The following PBX1 variants were observed in gnomAD, a reference collection of about 807,000 sequenced individuals.
PBX1 encodes PBX homeobox 1, also known as pre-B-cell leukemia transcription factor 1.
Under a neutral mutation model 53.4 loss-of-function variants are expected in PBX1, and 6 were observed. The ratio of observed to expected loss-of-function variants is 0.11; its 90% CI spans 0.06 to 0.22. The LOEUF is 0.22. PBX1 is among the 10% of genes least tolerant of loss of function. The pLI, the probability that PBX1 is intolerant of heterozygous loss-of-function variation, is 1.00. For missense variants in PBX1, 251 were observed against 551.4 expected, an observed-to-expected ratio of 0.46 and a Z score of 5.46; for synonymous variants, 204 against 212.3, an observed-to-expected ratio of 0.96 and a Z score of 0.34.
intron 2 of PBX1, among the ~76,000 whole-genome samples, chr1:164,762,572 C>T (rs1175956632): frequency 1.3e-5 from 2 of 152,204 alleles, no homozygotes; most frequent in Non-Finnish European, 2.9e-5. Context: ...TCTGGGTCTG[C>T]AGTGTGCAGT....
intron 2 of PBX1, among the ~76,000 whole-genome samples, chr1:164,721,846 AC>A (rs543544078): frequency 4.6e-5 from 7 of 152,224 alleles, no homozygotes; most frequent in Middle Eastern, 3.4e-3. Flanking sequence ...TATTCCCTTT[AC>A]AAAATATGAA....
At chr1:164,567,628 A>G (rs181158508) in intron 2 of PBX1, among the ~76,000 whole-genome samples, 2 of 152,308 alleles carry the variant, frequency 1.3e-5, no homozygotes, top group African/African-American at 4.8e-5. Flanking sequence ...ACAACAATAT[A>G]ACTCTGACAG....
intron 2 of PBX1, among the ~76,000 whole-genome samples, chr1:164,657,886 A>C (rs1660254097): frequency 6.6e-6 from 1 of 152,234 alleles, no homozygotes; most frequent in Non-Finnish European, 1.5e-5. Context: ...TGATGGACAG[A>C]TAGTCCCAGA....
In PBX1 at chr1:164,618,301, G is replaced by A. The variant is rs866600470; in HGVS notation, c.265+54990G>A. 8.4e-5 allele frequency among the ~76,000 whole-genome samples: 12 copies of A among 142,284 alleles called. No individual in the cohort carries two copies. The East Asian group carries it at 1.4e-3, about 17-fold the overall frequency. The allele number at this position is 142,284 out of a possible 152,430, so 93.3% of individuals were successfully genotyped here. ...CCCCAGGGAGAATAATCACGGCGGG[G>A]GGGGGGGGGCACTCAAGATGATCAG... On this transcript the variant is annotated intron_variant, in intron 2 of 8. Transcript: ENST00000420696.
At chr1:164,730,611 A>G (rs987393974) in intron 2 of PBX1, among the ~76,000 whole-genome samples, 3 of 152,168 alleles carry the variant, frequency 2.0e-5, no homozygotes, top group Admixed American at 1.3e-4. Flanking sequence ...AAAAGTATCT[A>G]TGGCTCTCTC....
intron 6 of PBX1, chr1:164,814,961 C>T (rs1166144407): frequency 6.6e-6 from 1 of 151,840 alleles, no homozygotes; most frequent in Non-Finnish European, 1.5e-5. Context: ...CATTTAGAGA[C>T]ATTTAGCATG....
intron 8 of PBX1, among the ~76,000 whole-genome samples, chr1:164,833,730 A>G (rs898802807): frequency 2.0e-5 from 3 of 152,098 alleles, no homozygotes; most frequent in Non-Finnish European, 4.4e-5. Flanking sequence ...AAGTGAGCCT[A>G]GTTGAACCTG....
chr1:164,860,103 T>G (rs1672063029), intron 2 of PBX1, among the ~76,000 whole-genome samples: 1 of 152,158 alleles, frequency 6.6e-6, no homozygotes, highest in African/African-American at 2.4e-5. Flanking sequence ...ATCATCTAGC[T>G]TCAAGGAGAG....
chr1:164,766,260 G>A (rs1339064365), intron 2 of PBX1, among the ~76,000 whole-genome samples: 1 of 152,238 alleles, frequency 6.6e-6, no homozygotes, highest in East Asian at 1.9e-4. Context: ...AGGAAGACTT[G>A]AGAGAAACAG....
At chr1:164,569,610 C>T (rs1323921547) in intron 2 of PBX1, among the ~76,000 whole-genome samples, 2 of 108,862 alleles carry the variant, frequency 1.8e-5, no homozygotes, top group African/African-American at 7.2e-5. Flanking sequence ...CTCACTCTAT[C>T]TCCCAGGTTG....
intron 2 of PBX1, among the ~76,000 whole-genome samples, chr1:164,858,595 T>G (rs1045622242): frequency 3.9e-5 from 6 of 152,114 alleles, no homozygotes; most frequent in Non-Finnish European, 8.8e-5. Flanking sequence ...ATCTTGTATT[T>G]CAATTAAACA....
intron 2 of PBX1, among the ~76,000 whole-genome samples, chr1:164,715,131 A>G (rs1284606365): frequency 1.3e-5 from 2 of 152,074 alleles, no homozygotes; most frequent in African/African-American, 4.8e-5. Context: ...AATGTTCACT[A>G]TTGAATAGTT....
chr1:164,697,656 C>A (rs755904603), intron 2 of PBX1, among the ~76,000 whole-genome samples: 8 of 152,208 alleles, frequency 5.3e-5, no homozygotes, highest in Non-Finnish European at 1.2e-4. Flanking sequence ...ACATCTTTAG[C>A]CACTTGGTGC....
intron 2 of PBX1, among the ~76,000 whole-genome samples, chr1:164,653,337 C>T (rs1388265508): frequency 2.6e-5 from 4 of 151,370 alleles, no homozygotes; most frequent in South Asian, 2.1e-4. Context: ...TTTTTTTATC[C>T]AGTCTCACTT....
intron 2 of PBX1, among the ~76,000 whole-genome samples, chr1:164,719,460 G>C (rs1412516783): frequency 6.6e-6 from 1 of 152,136 alleles, no homozygotes; most frequent in African/African-American, 2.4e-5. Flanking sequence ...CTATTAATTG[G>C]CTTTGTAAAT....
intron 2 of PBX1, among the ~76,000 whole-genome samples, chr1:164,597,385 G>T (rs140268484): frequency 6.6e-6 from 1 of 152,146 alleles, no homozygotes; most frequent in African/African-American, 2.4e-5. Context: ...TGACATCAAG[G>T]GTTGACACTT....
chr1:164,681,516 G>A (rs1661772884), intron 2 of PBX1, among the ~76,000 whole-genome samples: 1 of 152,180 alleles, frequency 6.6e-6, no homozygotes, highest in East Asian at 1.9e-4. Context: ...AGATACAACT[G>A]TTCAAAGATA....
chr1:164,799,636 T>C, intron 3 of PBX1, 63 bp from the exon 4 acceptor site: 6 of 1,501,012 alleles, frequency 4.0e-6, no homozygotes, highest in Non-Finnish European at 5.5e-6. Context: ...CCTAATGTCA[T>C]AGACTTGATG....
At chr1:164,719,805 A>G (rs1664305557) in intron 2 of PBX1, among the ~76,000 whole-genome samples, 1 of 152,124 alleles carries the variant, frequency 6.6e-6, no homozygotes, top group South Asian at 2.1e-4. Context: ...GTATACATGC[A>G]TTCATTTGTT....
Sources: gnomAD v4.1 joint callset for allele counts (sites outside exome capture counted in the v4.1 genomes callset) on GRCh38, gnomAD v4.1.1 for gene constraint, MANE v1.5 for transcripts, NCBI Gene and HGNC (gene_info 2026-07-23, HGNC 2026-07-21) for gene names.